Variants in PAN3 observed in about 807,000 individuals in gnomAD.
PAN3 encodes PAN2-PAN3 deadenylation complex subunit PAN3.
PAN3 carries 19 observed loss-of-function variants against 96.2 expected under a neutral mutation model. The observed-to-expected ratio is 0.20, with a 90% CI of 0.14 to 0.29. The LOEUF (loss-of-function observed/expected upper bound fraction) is 0.29. Ranked by LOEUF, PAN3 falls within the 10% of genes least tolerant of loss-of-function variation. The pLI is 1.00. For missense variants in PAN3, 882 were observed against 1,108.1 expected, an observed-to-expected ratio of 0.80 and a Z score of 2.90; for synonymous variants, 433 against 406.6, an observed-to-expected ratio of 1.06 and a Z score of -0.78.
intron 6 of PAN3, among the ~76,000 whole-genome samples, chr13:28,230,093 T>C (rs1882385977): frequency 6.6e-6 from 1 of 151,986 alleles, no homozygotes; most frequent in African/African-American, 2.4e-5. Context: ...AAAAAGGCTT[T>C]GAGTCAAGGA....
At chr13:28,196,061 T>C (rs1030569717) in intron 4 of PAN3, among the ~76,000 whole-genome samples, 5 of 151,136 alleles carry the variant, frequency 3.3e-5, no homozygotes, top group African/African-American at 9.7e-5. Flanking sequence ...GGTCTTGCAA[T>C]GTTGCCCAGG....
chr13:28,203,884 T>C (rs551602027), intron 5 of PAN3, among the ~76,000 whole-genome samples: 29 of 150,120 alleles, frequency 1.9e-4, no homozygotes, highest in Non-Finnish European at 2.8e-4. Context: ...GCTCACTGCA[T>C]CCTCCACCTT....
chr13:28,151,846 G>C (rs887123523), intron 1 of PAN3, among the ~76,000 whole-genome samples: 5 of 152,142 alleles, frequency 3.3e-5, no homozygotes, highest in Admixed American at 6.6e-5. Context: ...TACTTTGAGA[G>C]ATATATTAGC....
chr13:28,174,347 T>A lies in PAN3; in HGVS notation c.506T>A (p.Val169Asp). 1 of 1,613,086 alleles carries A rather than the reference T, an allele frequency of 6.2e-7. No individual in the cohort carries two copies. Among genetic ancestry groups the A allele is most frequent in the Non-Finnish European group, 8.5e-7 (1 of 1,179,172 alleles). The part of the protein sequence containing the change: ...DSYFSTSFIG[V>D]NGFGSPVETK... ...TATTTTAGCACCAGCTTTATTGGAG[T>A]CAATGGATTTGGAAGCCCTGTAGAA... is the stretch of plus-strand genomic sequence containing the variant. The change falls in exon 2 of 19, where the codon GTC becomes GAC. Residue 169 changes from valine to aspartate, a missense_variant. Val to Asp is a radical substitution (Grantham distance 152). This residue lies in a region of PAN3 where 442 missense variants were observed against 422.8 expected (regional missense o/e 1.05). Coordinates refer to ENST00000380958, the MANE Select transcript of PAN3 (RefSeq NM_175854.8).
rs2138231978 is a variant in PAN3, at chr13:28,197,180, C to T, written c.691-5C>T. On this transcript the variant is annotated splice_polypyrimidine_tract_variant and splice_region_variant and intron_variant, in intron 4 of 18. Coordinates refer to ENST00000380958, the MANE Select transcript of PAN3 (RefSeq NM_175854.8). ...TGGCCTGGTTTCTTTCCTTCTTTTTCCTAGCCAAGGAAGTATCGCCTGGGG... is the reference window on the plus strand; with the variant it reads ...TGGCCTGGTTTCTTTCCTTCTTTTTTCTAGCCAAGGAAGTATCGCCTGGGG... 3 of 1,608,564 alleles carry T rather than the reference C, an allele frequency of 1.9e-6. No individual in the cohort carries two copies. The highest frequency in any genetic ancestry group is 2.5e-6 in the Non-Finnish European group (3 of 1,177,754).
rs34812975 is a variant in PAN3 at position 28,235,696 on chromosome 13, T to TACACACACACACACAC, written c.1000+15330_1000+15345dup. Among the ~76,000 whole-genome samples the TACACACACACACACAC allele has an allele frequency of 4.7e-3, 661 of 140,700 alleles. 13 individuals are homozygous for TACACACACACACACAC. The highest frequency in any genetic ancestry group is 0.017 in the African/African-American group (620 of 36,628). The allele number at this position is 140,700 out of a possible 152,430, so 92.3% of individuals were successfully genotyped here. ...TTTCTCTAATATACACACACACACA[T>TACACACACACACACAC]ACACACACACACACACACACACACA... On this transcript the variant is annotated intron_variant, in intron 6 of 18. Coordinates refer to ENST00000380958, the MANE Select transcript of PAN3 (RefSeq NM_175854.8).
chr13:28,289,786 A>G (rs1038032682), intron 18 of PAN3, among the ~76,000 whole-genome samples: 8 of 152,208 alleles, frequency 5.3e-5, no homozygotes, highest in African/African-American at 1.2e-4. Context: ...GGAGGCTGAG[A>G]CAGGAGAATG....
At chr13:28,290,458 G>C (rs1406741160) in intron 18 of PAN3, among the ~76,000 whole-genome samples, 3 of 152,156 alleles carry the variant, frequency 2.0e-5, no homozygotes, top group African/African-American at 7.2e-5. Context: ...CAGGTGCACG[G>C]ATCACCTGAG....
In PAN3 at chr13:28,217,752, T is replaced by C. The variant is rs372188055; in HGVS notation, c.853-2479T>C. ...TATAAATGAGTGCATATCTGTATAT[T>C]TTACAGAAACCAAAAATTTAATATT... On this transcript the variant is annotated intron_variant, in intron 5 of 18. Transcript: ENST00000380958. 2.2e-4 allele frequency among the ~76,000 whole-genome samples: 33 copies of C among 152,290 alleles called. No homozygotes were observed. The South Asian group carries it at 6.8e-3, about 32-fold the overall frequency.
At chr13:28,156,002 A>T (rs1401689410) in intron 1 of PAN3, among the ~76,000 whole-genome samples, 1 of 152,176 alleles carries the variant, frequency 6.6e-6, no homozygotes, top group Non-Finnish European at 1.5e-5. Flanking sequence ...CTAGTAAGTG[A>T]TATGATAAGA....
rs1011547777 is a variant in PAN3, at chr13:28,138,825, G to A, written c.168G>A (p.Lys56=). 1.4e-6 allele frequency: 2 copies of A among 1,416,194 alleles called. No homozygotes were observed. The highest frequency in any genetic ancestry group is 1.8e-6 in the Non-Finnish European group (2 of 1,088,986). The allele number at this position is 1,416,194 out of a possible 1,614,324, so 87.7% of individuals were successfully genotyped here. A position where few individuals can be genotyped will look rare whatever the true frequency, so the allele number is the denominator to read the frequency against. The stretch of plus-strand genomic sequence containing the variant: ...ACTGCCGCTACTACGCTAAGGATAA[G>A]ACTTGCTTCTACGGGGAGGAGTGTC... The part of the protein sequence containing the change: ...LKYCRYYAKD[K]TCFYGEECQF... The change falls in exon 1 of 19, where the codon AAG becomes AAA. Residue 56 remains lysine (K), a synonymous_variant. Coordinates refer to ENST00000380958, the MANE Select transcript of PAN3 (RefSeq NM_175854.8).
At chr13:28,291,692 G>A (rs932689846) in intron 18 of PAN3, among the ~76,000 whole-genome samples, 5 of 152,058 alleles carry the variant, frequency 3.3e-5, no homozygotes, top group African/African-American at 7.2e-5. Context: ...TTAGCTGGGC[G>A]TGGTGGCAGG....
At chr13:28,146,282 A>G (rs775257573) in intron 1 of PAN3, among the ~76,000 whole-genome samples, 29 of 147,652 alleles carry the variant, frequency 2.0e-4, no homozygotes, top group Non-Finnish European at 3.8e-4. Flanking sequence ...AAATATATAT[A>G]TTTTTTCCTC....
Position 28,220,254 on chromosome 13 carries a change from G to A in PAN3, c.876G>A (p.Glu292=). ...NLQTPNPTAS[E]FIPKGGSTSR... is the part of the protein sequence containing the mutation. ...AGACACCAAATCCTACTGCAAGCGA[G>A]TTTATTCCTAAAGGAGGATCAACCT... Residue 292 remains glutamate (E), a synonymous_variant, in exon 6 of 19, where the codon GAG becomes GAA. Transcript: ENST00000380958. 3.7e-6 allele frequency: 6 copies of A among 1,613,190 alleles called. No individual in the cohort carries two copies. Among genetic ancestry groups the A allele is most frequent in the Admixed American group, 1.7e-5 (1 of 59,896 alleles).
chr13:28,280,918 A>G (rs1313558997), intron 16 of PAN3, among the ~76,000 whole-genome samples: 1 of 152,182 alleles, frequency 6.6e-6, no homozygotes, highest in Non-Finnish European at 1.5e-5. Context: ...ATATAAATAG[A>G]CACAAAATAA....
chr13:28,242,768 G>A (rs775227078), intron 6 of PAN3, among the ~76,000 whole-genome samples: 30 of 152,192 alleles, frequency 2.0e-4, no homozygotes, highest in Admixed American at 3.3e-4. Context: ...CTTCATTACA[G>A]TATTGTCTTC....
At chr13:28,179,140 T>G (rs1875433954) in intron 4 of PAN3, among the ~76,000 whole-genome samples, 1 of 152,214 alleles carries the variant, frequency 6.6e-6, no homozygotes, top group African/African-American at 2.4e-5. Context: ...ATGGATTTCC[T>G]TATAGGCTCT....
At chr13:28,181,282 G>A (rs575026788) in intron 4 of PAN3, among the ~76,000 whole-genome samples, 71 of 152,154 alleles carry the variant, frequency 4.7e-4, no homozygotes, top group African/African-American at 1.5e-3. Flanking sequence ...GCTGAGGCTC[G>A]AGAATCACTT....
intron 6 of PAN3, among the ~76,000 whole-genome samples, chr13:28,253,573 T>C (rs1015741941): frequency 2.0e-5 from 3 of 152,012 alleles, no homozygotes; most frequent in Non-Finnish European, 2.9e-5. Context: ...ACATGTTTTA[T>C]TTTGAATGTT....
Sources: allele counts gnomAD v4.1 joint callset (sites outside exome capture counted in the v4.1 genomes callset), GRCh38; gene constraint gnomAD v4.1.1; regional missense constraint gnomAD v4.1.1; transcripts MANE v1.5; gene names NCBI Gene and HGNC (gene_info 2026-07-23, HGNC 2026-07-21).